Variants in POU2AF3 observed in about 807,000 individuals in gnomAD.
POU2AF3 encodes the protein POU class 2 homeobox associating factor 3.
At chr11:111,303,184 T>C in the POU2AF3 span, among the ~76,000 whole-genome samples, 2 of 152,234 alleles carry the variant, frequency 1.3e-5, no homozygotes, top group Non-Finnish European at 1.5e-5. Context: ...GTATGCCGGA[T>C]TGGAACACTC....
the POU2AF3 span, chr11:111,306,261 C>T: frequency 2.2e-6 from 1 of 458,586 alleles, no homozygotes. Flanking sequence ...AAATTGCATT[C>T]CCGTTTACTT....
chr11:111,298,573 C>T, the POU2AF3 span: 2 of 1,246,594 alleles, frequency 1.6e-6, no homozygotes, highest in Non-Finnish European at 1.0e-6. Context: ...CCAGCTCCTG[C>T]TGACCACGAT....
the POU2AF3 span, among the ~76,000 whole-genome samples, chr11:111,303,990 A>T: frequency 6.6e-6 from 1 of 152,234 alleles, no homozygotes; most frequent in African/African-American, 2.4e-5. Flanking sequence ...GAGCAGTCTC[A>T]TAAACTTTTA....
At chr11:111,308,714 A>G in the POU2AF3 span, 1 of 260,426 alleles carries the variant, frequency 3.8e-6, no homozygotes, top group Non-Finnish European at 7.2e-6. Flanking sequence ...TTTTTTACTA[A>G]TAAATAATTT....
the POU2AF3 span, chr11:111,308,187 C>T: frequency 6.4e-7 from 1 of 1,551,920 alleles, no homozygotes; most frequent in Non-Finnish European, 8.7e-7. Context: ...TCTCTGGACA[C>T]CAGAACCTGT....
the POU2AF3 span, among the ~76,000 whole-genome samples, chr11:111,303,362 C>T: frequency 1.2e-4 from 19 of 152,166 alleles, no homozygotes; most frequent in Non-Finnish European, 2.5e-4. Context: ...TTTAAACAGC[C>T]TTGATGTGTT....
chr11:111,304,742 TTACAATATATTTTG>T, the POU2AF3 span: 1 of 392,580 alleles, frequency 2.5e-6, no homozygotes, highest in Non-Finnish European at 4.5e-6. Flanking sequence ...CACTTGTTTT[TTACAATATATTTTG>T]TACAAAAATT....
chr11:111,301,546 A>G, the POU2AF3 span, among the ~76,000 whole-genome samples: 1 of 152,190 alleles, frequency 6.6e-6, no homozygotes, highest in African/African-American at 2.4e-5. Flanking sequence ...TAGGCCTTTG[A>G]CAGCGGGACT....
At chr11:111,308,634 T>A in the POU2AF3 span, 1 of 428,534 alleles carries the variant, frequency 2.3e-6, no homozygotes, top group Non-Finnish European at 4.0e-6. Flanking sequence ...CTTTGTATGC[T>A]CATAGTTTAA....
At chr11:111,303,596 A>T in the POU2AF3 span, among the ~76,000 whole-genome samples, 1 of 152,216 alleles carries the variant, frequency 6.6e-6, no homozygotes, top group Non-Finnish European at 1.5e-5. Flanking sequence ...AATGAGGCAG[A>T]TTTTTTAATA....
the POU2AF3 span, among the ~76,000 whole-genome samples, chr11:111,303,417 A>G: frequency 3.9e-5 from 6 of 152,224 alleles, no homozygotes; most frequent in Non-Finnish European, 7.3e-5. Flanking sequence ...TTGAAATCTA[A>G]GAGAGAGTTG....
At chr11:111,301,010 G>A in the POU2AF3 span, among the ~76,000 whole-genome samples, 1 of 152,086 alleles carries the variant, frequency 6.6e-6, no homozygotes, top group Non-Finnish European at 1.5e-5. Context: ...TCATTTTAGG[G>A]GCCCCTTCCA....
the POU2AF3 span, chr11:111,299,290 C>T: frequency 4.1e-6 from 4 of 986,878 alleles, no homozygotes; most frequent in Non-Finnish European, 4.8e-6. Flanking sequence ...CGGTCACCCT[C>T]GGCCGCCGCA....
the POU2AF3 span, among the ~76,000 whole-genome samples, chr11:111,301,776 C>T: frequency 1.3e-3 from 205 of 152,284 alleles, 1 homozygote; most frequent in African/African-American, 4.9e-3. Context: ...ATGCTTTCCA[C>T]ATAGTGAGTG....
the POU2AF3 span, chr11:111,300,321 A>G: frequency 9.0e-6 from 3 of 334,422 alleles, no homozygotes; most frequent in East Asian, 1.4e-4. Flanking sequence ...TTCTTTTCCT[A>G]CTGGGGCTCT....
the POU2AF3 span, chr11:111,308,145 C>T: frequency 6.4e-7 from 1 of 1,551,302 alleles, no homozygotes; most frequent in African/African-American, 1.4e-5. Flanking sequence ...CAGCTGCCTT[C>T]ATATGCTCCA....
chr11:111,308,516 A>C, the POU2AF3 span: 1 of 1,356,706 alleles, frequency 7.4e-7, no homozygotes, highest in Non-Finnish European at 9.9e-7. Context: ...CAAAATATGC[A>C]ACTTGGTAAC....
the POU2AF3 span, chr11:111,306,507 G>A: frequency 3.2e-6 from 5 of 1,541,956 alleles, no homozygotes; most frequent in Non-Finnish European, 4.4e-6. Flanking sequence ...CCAGATCTTT[G>A]ATTCCTACCT....
At chr11:111,298,591 A>G in the POU2AF3 span, 1 of 1,246,640 alleles carries the variant, frequency 8.0e-7, no homozygotes, top group Admixed American at 4.2e-5. Flanking sequence ...GATGTCGGGT[A>G]ACTCGGCTGC....
Sources: allele counts gnomAD v4.1 joint callset (sites outside exome capture counted in the v4.1 genomes callset), GRCh38; gene constraint gnomAD v4.1.1; transcripts MANE v1.5; gene names NCBI Gene and HGNC (gene_info 2026-07-23, HGNC 2026-07-21).